The following PRKG1 variants were observed in gnomAD, a reference collection of about 807,000 sequenced individuals.
The protein encoded by PRKG1 is cGMP-dependent protein kinase 1.
Under a neutral mutation model 88.1 loss-of-function variants are expected in PRKG1, and 35 were observed. The ratio of observed to expected loss-of-function variants is 0.40; its 90% CI spans 0.30 to 0.53. The LOEUF is 0.53. Ranked by LOEUF, PRKG1 falls within the 20% of genes least tolerant of loss-of-function variation. PRKG1 has a pLI of 0.59. For missense variants in PRKG1, 540 were observed against 839.8 expected (o/e 0.64, Z 4.41); for synonymous variants, 303 against 292.5 (o/e 1.04, Z -0.37).
At chr10:51,034,011 G>A (rs1326066900) in intron 1 of PRKG1, among the ~76,000 whole-genome samples, 1 of 152,108 alleles carries the variant, frequency 6.6e-6, no homozygotes, top group Non-Finnish European at 1.5e-5. Flanking sequence ...GAGACAATGA[G>A]ATGCCTCTAG....
chr10:51,933,289 T>C (rs1035571236), intron 5 of PRKG1, among the ~76,000 whole-genome samples: 4 of 152,134 alleles, frequency 2.6e-5, no homozygotes, highest in African/African-American at 9.7e-5. Context: ...TTATATGAAA[T>C]CCAGAGTTTT....
intron 4 of PRKG1, among the ~76,000 whole-genome samples, chr10:51,896,534 C>T (rs1172100797): frequency 6.9e-6 from 1 of 143,936 alleles, no homozygotes; most frequent in African/African-American, 2.6e-5. Context: ...ATAGTGAGAC[C>T]CTGTCTCTAC....
intron 1 of PRKG1, among the ~76,000 whole-genome samples, chr10:51,015,103 C>A (rs571408568): frequency 6.6e-6 from 1 of 152,310 alleles, no homozygotes; most frequent in Non-Finnish European, 1.5e-5. Context: ...TATGGAATGG[C>A]CTTCTGGCTG....
intron 3 of PRKG1, among the ~76,000 whole-genome samples, chr10:51,507,077 C>A (rs1841233698): frequency 6.7e-6 from 1 of 149,654 alleles, no homozygotes; most frequent in South Asian, 2.1e-4. Context: ...CACATGTTCT[C>A]ACTCATAGGT....
chr10:52,199,107 G>A (rs1031593526), intron 9 of PRKG1, among the ~76,000 whole-genome samples: 6 of 151,124 alleles, frequency 4.0e-5, no homozygotes, highest in Admixed American at 4.0e-4. Context: ...TTTTTTTCCC[G>A]ATTCTGTTTC....
At chr10:52,045,094 C>G (rs996455911) in intron 5 of PRKG1, among the ~76,000 whole-genome samples, 1 of 152,098 alleles carries the variant, frequency 6.6e-6, no homozygotes, top group Non-Finnish European at 1.5e-5. Context: ...GCCCTAGGTA[C>G]TTTCACATCT....
chr10:51,649,797 T>C (rs1839996464), intron 3 of PRKG1, among the ~76,000 whole-genome samples: 1 of 152,212 alleles, frequency 6.6e-6, no homozygotes, highest in Admixed American at 6.5e-5. Flanking sequence ...AGGTTTCCCA[T>C]TGGCCACTTC....
At chr10:51,747,206 C>G (rs907414714) in intron 3 of PRKG1, among the ~76,000 whole-genome samples, 1 of 152,162 alleles carries the variant, frequency 6.6e-6, no homozygotes, top group East Asian at 1.9e-4. Flanking sequence ...GCCATATCAC[C>G]TGCAGTTCAC....
intron 2 of PRKG1, among the ~76,000 whole-genome samples, chr10:51,357,008 G>T (rs1445803949): frequency 6.6e-6 from 1 of 151,950 alleles, no homozygotes; most frequent in African/African-American, 2.4e-5. Context: ...TGGTTGTTAA[G>T]GGAAGAGATT....
At chr10:51,107,239 A>G (rs1415306514) in intron 1 of PRKG1, among the ~76,000 whole-genome samples, 3 of 152,166 alleles carry the variant, frequency 2.0e-5, no homozygotes, top group African/African-American at 7.2e-5. Context: ...GCGGTGGGAC[A>G]CAAGGTAAGG....
chr10:51,561,912 G>A lies in PRKG1; in HGVS notation c.592+94076G>A, dbSNP rs116344313. Among the ~76,000 whole-genome samples, 699 of 152,110 alleles carry A rather than the reference G, an allele frequency of 4.6e-3. 7 individuals carry two copies. Among genetic ancestry groups the A allele is most frequent in the African/African-American group, 0.016 (659 of 41,514 alleles). ...CTACTGGCAGGTCTATCAGGGAAGT[G>A]ATATAGAACTGGTTTAATACAAAAG... is the stretch of plus-strand genomic sequence containing the variant. On this transcript the variant is annotated intron_variant, in intron 3 of 17. Coordinates refer to ENST00000373980, the MANE Select transcript of PRKG1 (RefSeq NM_006258.4).
intron 3 of PRKG1, among the ~76,000 whole-genome samples, chr10:51,778,427 G>A (rs555782125): frequency 6.6e-6 from 1 of 152,222 alleles, no homozygotes; most frequent in East Asian, 1.9e-4. Context: ...TCCTACTTTG[G>A]GTGCTGCCCT....
At chr10:52,166,916 C>CACATAT (rs1270668081) in intron 9 of PRKG1, among the ~76,000 whole-genome samples, 5 of 127,886 alleles carry the variant, frequency 3.9e-5, no homozygotes, top group African/African-American at 1.5e-4. Flanking sequence ...CACACACACA[C>CACATAT]ATATATATAA....
chr10:51,189,022 A>C (rs1403595845), intron 2 of PRKG1, among the ~76,000 whole-genome samples: 1 of 151,898 alleles, frequency 6.6e-6, no homozygotes, highest in East Asian at 1.9e-4. Flanking sequence ...CTCTGGACCC[A>C]GCCCATTAAG....
At chr10:51,467,385 A>T (rs975891068) in intron 2 of PRKG1, among the ~76,000 whole-genome samples, 10 of 151,986 alleles carry the variant, frequency 6.6e-5, no homozygotes, top group African/African-American at 2.4e-4. Flanking sequence ...CACTTACTCA[A>T]GTTTTCTTTC....
In PRKG1 at chr10:52,022,835, G is replaced by A. The variant is rs567362198; in HGVS notation, c.763-31649G>A. 1.4e-4 allele frequency among the ~76,000 whole-genome samples: 21 copies of A among 152,184 alleles called. No homozygotes were observed. In the South Asian group the frequency reaches 4.1e-3, roughly 30 times the overall value. On this transcript the variant is annotated intron_variant, in intron 5 of 17. Coordinates refer to ENST00000373980, the MANE Select transcript of PRKG1 (RefSeq NM_006258.4). ...GGAAATAGCAAAATCATGTTATTTA[G>A]GAATATGGAAATGTAGAATCCACAG...
chr10:51,491,183 T>C (rs1840700576), intron 3 of PRKG1, among the ~76,000 whole-genome samples: 1 of 152,186 alleles, frequency 6.6e-6, no homozygotes, highest in African/African-American at 2.4e-5. Flanking sequence ...CTTAAGTTGA[T>C]GATTTGGAGT....
intron 9 of PRKG1, among the ~76,000 whole-genome samples, chr10:52,179,377 G>C (rs1838950620): frequency 6.6e-6 from 1 of 151,886 alleles, no homozygotes; most frequent in Admixed American, 6.6e-5. Flanking sequence ...TAGCTGACAG[G>C]TCCCCTCTTC....
At chr10:51,379,203 T>C (rs535261802) in intron 2 of PRKG1, among the ~76,000 whole-genome samples, 5 of 152,324 alleles carry the variant, frequency 3.3e-5, no homozygotes, top group African/African-American at 1.2e-4. Flanking sequence ...TTAGTATTGA[T>C]ACCACATACC....
Sources: gnomAD v4.1 joint callset for allele counts (sites outside exome capture counted in the v4.1 genomes callset) on GRCh38, gnomAD v4.1.1 for gene constraint, MANE v1.5 for transcripts, NCBI Gene and HGNC (gene_info 2026-07-23, HGNC 2026-07-21) for gene names.